Variants in EIF5B observed in about 807,000 individuals in gnomAD.
EIF5B encodes the protein eIF-5B.
Under a neutral mutation model 147.5 loss-of-function variants are expected in EIF5B, and 47 were observed. The observed-to-expected ratio is 0.32, with a 90% CI of 0.25 to 0.41. The LOEUF is 0.41. EIF5B is among the 10% of genes least tolerant of loss of function. EIF5B has a pLI of 1.00. For missense variants in EIF5B, 1,064 were observed against 1,413.2 expected, an observed-to-expected ratio of 0.75 and a Z score of 3.96; for synonymous variants, 455 against 456.2, an observed-to-expected ratio of 1.00 and a Z score of 0.03.
chr2:99,393,638 T>C (rs1674983045), intron 18 of EIF5B, among the ~76,000 whole-genome samples: 1 of 152,238 alleles, frequency 6.6e-6, no homozygotes, highest in African/African-American at 2.4e-5. Flanking sequence ...GGCTCTTGTG[T>C]CCTGGGGCCG....
At chr2:99,379,204 A>G in intron 11 of EIF5B, 78 bp downstream of exon 11, 1 of 1,417,550 alleles carries the variant, frequency 7.1e-7, no homozygotes, top group Non-Finnish European at 9.7e-7. Flanking sequence ...TTTAGAGACC[A>G]ATAGGACATA....
chr2:99,383,131 G>GC (rs1559256981), intron 14 of EIF5B, among the ~76,000 whole-genome samples: 1 of 151,820 alleles, frequency 6.6e-6, no homozygotes, highest in Admixed American at 6.6e-5. Flanking sequence ...CTTGCATCAA[G>GC]CAAGAGTATT....
chr2:99,352,245 G>A (rs976370328), intron 1 of EIF5B, among the ~76,000 whole-genome samples: 6 of 151,974 alleles, frequency 3.9e-5, no homozygotes, highest in Non-Finnish European at 8.8e-5. Flanking sequence ...GCTCAGGCTG[G>A]AGTGCAATGG....
intron 12 of EIF5B, among the ~76,000 whole-genome samples, chr2:99,381,876 A>G (rs559355471): frequency 3.3e-5 from 5 of 152,274 alleles, no homozygotes; most frequent in African/African-American, 1.2e-4. Context: ...GATTCGTATC[A>G]CCACTTACTT....
chr2:99,379,506 C>A, intron 12 of EIF5B, 78 bp downstream of exon 12: 2 of 1,130,004 alleles, frequency 1.8e-6, no homozygotes, highest in Admixed American at 2.3e-5. Flanking sequence ...AGAAAAAGGA[C>A]AGAGACTAGG....
intron 12 of EIF5B, 61 bp downstream of exon 12, chr2:99,379,489 C>A: frequency 7.7e-7 from 1 of 1,297,476 alleles, no homozygotes; most frequent in Admixed American, 2.1e-5. Flanking sequence ...TGAACTATTT[C>A]AAACATAGAA....
chr2:99,369,199 G>A (rs1188028683), intron 7 of EIF5B, among the ~76,000 whole-genome samples, 193 bp from the exon 8 acceptor site: 2 of 152,190 alleles, frequency 1.3e-5, no homozygotes, highest in African/African-American at 4.8e-5. Flanking sequence ...GCTTGAACCC[G>A]GGAGGTGGAG....
rs1397547104 is a variant in EIF5B, at chr2:99,400,421, T to C, written c.*1007T>C. The C allele has an allele frequency of 6.6e-6, 1 of 152,230 alleles. No individual in the cohort carries two copies. Among genetic ancestry groups the C allele is most frequent in the Non-Finnish European group, 1.5e-5 (1 of 68,030 alleles). 9.4% of individuals were successfully genotyped at this position (152,230 alleles called of 1,614,324 possible). On this transcript the variant is annotated 3_prime_UTR_variant, in exon 24 of 24. Coordinates refer to ENST00000289371, the MANE Select transcript of EIF5B (RefSeq NM_015904.4). ...TCTGTAGCTAGTTTTAGGGTTTTGC[T>C]GAAGTCAGTGTGGGGTGTTTGTTTG...
chr2:99,397,639 G>A (rs1675082424), intron 22 of EIF5B: 1 of 152,254 alleles, frequency 6.6e-6, no homozygotes, highest in African/African-American at 2.4e-5. Flanking sequence ...GACCCAGCCT[G>A]TCTGACTGCT....
intron 3 of EIF5B, 33 bp from the exon 4 acceptor site, chr2:99,361,115 T>A (rs1157054476): frequency 6.8e-7 from 1 of 1,465,348 alleles, no homozygotes; most frequent in African/African-American, 1.4e-5. Context: ...ATTATAATTC[T>A]GTTAATTTTT....
intron 1 of EIF5B, among the ~76,000 whole-genome samples, chr2:99,349,968 G>A (rs1174765540): frequency 1.3e-5 from 2 of 152,060 alleles, no homozygotes. Flanking sequence ...CCAGCATCTG[G>A]TAACCACTAT....
At chr2:99,371,792 T>C in intron 9 of EIF5B, 62 bp downstream of exon 9, 1 of 1,416,774 alleles carries the variant, frequency 7.1e-7, no homozygotes, top group Non-Finnish European at 9.6e-7. Context: ...ATGATATATA[T>C]TTAAATGAAT....
intron 17 of EIF5B, 32 bp from the exon 18 acceptor site, chr2:99,392,935 A>G: frequency 7.1e-7 from 1 of 1,402,028 alleles, no homozygotes; most frequent in East Asian, 2.7e-5. Flanking sequence ...CTTTTAAAGT[A>G]CATTTGGTAA....
chr2:99,363,172 T>G (rs952704909), intron 4 of EIF5B, among the ~76,000 whole-genome samples: 1 of 152,178 alleles, frequency 6.6e-6, no homozygotes, highest in African/African-American at 2.4e-5. Context: ...CTACCTATAT[T>G]TTTGTATTTT....
Position 99,401,187 on chromosome 2 carries a change from C to T in EIF5B, c.*1773C>T. The T allele has an allele frequency of 2.7e-6, 3 of 1,107,622 alleles. No homozygotes were observed. The South Asian group carries it at 3.8e-5, about 14-fold the overall frequency. The allele number at this position is 1,107,622 out of a possible 1,614,324, so 68.6% of individuals were successfully genotyped here. ...TTACTATCATGCACTTTGCAAATACCTCACAAGCACTTATGGCACAGCTAT... is the reference window on the plus strand; with the variant it reads ...TTACTATCATGCACTTTGCAAATACTTCACAAGCACTTATGGCACAGCTAT... On this transcript the variant is annotated 3_prime_UTR_variant, in exon 24 of 24. Transcript: ENST00000289371.
chr2:99,356,614 A>ATT (rs1674101255), intron 1 of EIF5B, among the ~76,000 whole-genome samples: 1 of 152,028 alleles, frequency 6.6e-6, no homozygotes. Context: ...TAGACTCAAC[A>ATT]TTGTGTGTGT....
At chr2:99,375,937 C>T in intron 9 of EIF5B, among the ~76,000 whole-genome samples, 1 of 151,958 alleles carries the variant, frequency 6.6e-6, no homozygotes, top group East Asian at 1.9e-4. Flanking sequence ...GCAAATATTC[C>T]AAATTAAAAA....
At chr2:99,393,242 T>C (rs1029588716) in intron 18 of EIF5B, 144 bp downstream of exon 18, 1 of 578,496 alleles carries the variant, frequency 1.7e-6, no homozygotes, top group Non-Finnish European at 2.7e-6. Context: ...AACTTGATGC[T>C]TTTGAATTAC....
intron 5 of EIF5B, 23 bp from the exon 6 acceptor site, chr2:99,364,248 G>A (rs901113732): frequency 7.1e-6 from 11 of 1,551,456 alleles, no homozygotes; most frequent in South Asian, 1.3e-5. Flanking sequence ...TACAGGTTTT[G>A]TCTGACATGT....
Sources: gnomAD v4.1 joint callset for allele counts (sites outside exome capture counted in the v4.1 genomes callset) on GRCh38, gnomAD v4.1.1 for gene constraint, MANE v1.5 for transcripts, NCBI Gene and HGNC (gene_info 2026-07-23, HGNC 2026-07-21) for gene names.